Variants in HBP1 observed in about 807,000 individuals in gnomAD.
HBP1 encodes the protein HMG box-containing protein 1.
Under a neutral mutation model 62.6 loss-of-function variants are expected in HBP1, and 20 were observed. The observed-to-expected ratio is 0.32, with a 90% CI of 0.22 to 0.46. The LOEUF (loss-of-function observed/expected upper bound fraction) is 0.46. Among genes scored for constraint, HBP1 ranks in the 20% least tolerant of loss-of-function variants. The pLI is 1.00. For synonymous variants in HBP1, 232 were observed against 206.2 expected (o/e 1.12, Z -1.07); for missense variants, 480 against 611.8 (o/e 0.78, Z 2.27).
chr7:107,189,346 G>C lies in HBP1; in HGVS notation c.820G>C (p.Gly274Arg). The C allele has an allele frequency of 6.2e-7, 1 of 1,612,758 alleles. No homozygotes were observed. The highest frequency in any genetic ancestry group is 1.1e-5 in the South Asian group (1 of 91,044). Residue 274 changes from glycine to arginine, a missense_variant, in exon 7 of 11, where the codon GGC (glycine) becomes CGC (arginine). Gly to Arg is a moderately radical substitution (Grantham distance 125). This residue lies in a region of HBP1 where 304 missense variants were observed against 330.9 expected (regional missense o/e 0.92). Coordinates refer to ENST00000222574, the MANE Select transcript of HBP1 (RefSeq NM_012257.4). The part of the protein sequence containing the change: ...LLSHEESVSF[G>R]ESVLKLTFDP... ...ATCACATGAAGAAAGTGTATCATTT[G>C]GCGAGTCTGTACTGAAGTTGACTTT...
chr7:107,180,384 T>C (rs1324494123), intron 2 of HBP1, among the ~76,000 whole-genome samples: 1 of 152,250 alleles, frequency 6.6e-6, no homozygotes, highest in East Asian at 1.9e-4. Context: ...TAAAATATGC[T>C]TAGCCACTCT....
chr7:107,189,415 A>C lies in HBP1; in HGVS notation c.889A>C (p.Lys297Gln). Reference sequence around the variant, plus strand: ...AGATGGTTTACTTACCGTAGAGTGTAAGCTGGACCACCCTTTCTATGTTAA... The same window carrying C: ...AGATGGTTTACTTACCGTAGAGTGTCAGCTGGACCACCCTTTCTATGTTAA... ...VEDGLLTVEC[K>Q]LDHPFYVKNK... is the part of the protein sequence containing the mutation. The change falls in exon 7 of 11, where the codon AAG (lysine) becomes CAG (glutamine). Residue 297 changes from lysine (K) to glutamine (Q), a missense_variant. This residue lies in a region of HBP1 where 58 missense variants were observed against 128.5 expected (regional missense o/e 0.45). Coordinates refer to ENST00000222574, the MANE Select transcript of HBP1 (RefSeq NM_012257.4). 1 of 1,612,116 alleles carries C rather than the reference A, an allele frequency of 6.2e-7. No homozygotes were observed. Among genetic ancestry groups the C allele is most frequent in the South Asian group, 1.1e-5 (1 of 90,804 alleles).
At chr7:107,171,046 A>AATATATATATATAT (rs374693805) in intron 1 of HBP1, among the ~76,000 whole-genome samples, 4 of 60,506 alleles carry the variant, frequency 6.6e-5, no homozygotes, top group Non-Finnish European at 9.7e-5. Context: ...TACATGTATA[A>AATATATATATATAT]ATATATATAT....
chr7:107,199,082 T>C (rs1293901544), intron 9 of HBP1, among the ~76,000 whole-genome samples: 2 of 152,116 alleles, frequency 1.3e-5, no homozygotes, highest in Non-Finnish European at 2.9e-5. Context: ...AAAAATTGGT[T>C]ATCATTTTAT....
chr7:107,193,071 G>A (rs1248121307), intron 8 of HBP1: 1 of 152,148 alleles, frequency 6.6e-6, no homozygotes, highest in African/African-American at 2.4e-5. Context: ...CAGTTGATGA[G>A]CTCTCATACA....
intron 6 of HBP1, 85 bp from the exon 7 acceptor site, chr7:107,189,207 C>A: frequency 8.7e-7 from 1 of 1,155,520 alleles, no homozygotes; most frequent in Non-Finnish European, 1.2e-6. Context: ...TTTACCTTTT[C>A]CACAAAGTCT....
chr7:107,172,895 A>G lies in HBP1; in HGVS notation c.-16+3710A>G, dbSNP rs530139423. Among the ~76,000 whole-genome samples the G allele has an allele frequency of 1.5e-3, 224 of 152,244 alleles. 1 individual carries two copies. The highest frequency in any genetic ancestry group is 5.2e-3 in the African/African-American group (216 of 41,548). ...GCCTGAGTGACTGGGCCTGGCCACTAGTCTTATTTACAAATAAAAAAAACA... is the reference window on the plus strand; with the variant it reads ...GCCTGAGTGACTGGGCCTGGCCACTGGTCTTATTTACAAATAAAAAAAACA... On this transcript the variant is annotated intron_variant, in intron 1 of 10. Coordinates refer to ENST00000222574, the MANE Select transcript of HBP1 (RefSeq NM_012257.4).
chr7:107,182,651 G>T, intron 3 of HBP1, 50 bp downstream of exon 3: 1 of 1,006,590 alleles, frequency 9.9e-7, no homozygotes, highest in Non-Finnish European at 1.5e-6. Context: ...ATTACACAAA[G>T]GTTTTATTTA....
chr7:107,190,349 C>A (rs1238790995), intron 8 of HBP1, 32 bp downstream of exon 8: 3 of 1,515,618 alleles, frequency 2.0e-6, no homozygotes, highest in Non-Finnish European at 2.7e-6. Context: ...GTTTTATTTT[C>A]CTCTTAAAGT....
intron 8 of HBP1, among the ~76,000 whole-genome samples, chr7:107,194,079 G>C (rs1471773174): frequency 6.6e-6 from 1 of 152,182 alleles, no homozygotes; most frequent in Non-Finnish European, 1.5e-5. Flanking sequence ...TTAGTGAAGA[G>C]AATGAATGCT....
chr7:107,182,727 C>G (rs1447229789), intron 3 of HBP1, 126 bp downstream of exon 3: 2 of 581,366 alleles, frequency 3.4e-6, no homozygotes, highest in South Asian at 2.3e-5. Context: ...TAGAATTAAG[C>G]TCCTTATCTA....
rs557319985 is a variant in HBP1 at position 107,185,646 on chromosome 7, A to G, written c.399-155A>G. ...GTTTGGATAAGGAGTTAAGGAATATAATTATAAAATGAAATCTTGCTGTCT... is the reference window on the plus strand; with the variant it reads ...GTTTGGATAAGGAGTTAAGGAATATGATTATAAAATGAAATCTTGCTGTCT... On this transcript the variant is annotated intron_variant, in intron 3 of 10. Coordinates refer to ENST00000222574, the MANE Select transcript of HBP1 (RefSeq NM_012257.4). 4.6e-5 allele frequency among the ~76,000 whole-genome samples: 7 copies of G among 152,352 alleles called. No homozygotes were observed. The South Asian group carries it at 1.5e-3, about 32-fold the overall frequency.
At position 107,201,344 on chromosome 7, in the gene HBP1, T is replaced by TA. The variant is rs529514798; in HGVS notation, c.1528-69dup. The TA allele has an allele frequency of 4.3e-4, 385 of 891,236 alleles. 2 individuals carry two copies. The African/African-American group carries it at 5.7e-3, about 13-fold the overall frequency. 55.2% of individuals were successfully genotyped at this position (891,236 alleles called of 1,614,324 possible). ...AAATTTATAAACATCTTATACATCT[T>TA]AGCTTTCATATATAGGATTACTATG... On this transcript the variant is annotated intron_variant, in intron 10 of 10. Transcript: ENST00000222574.
chr7:107,182,431 G>C lies in HBP1; in HGVS notation c.228G>C (p.Gln76His). Residue 76 changes from glutamine (Q) to histidine (H), a missense_variant, in exon 3 of 11, where the codon CAG (glutamine) becomes CAC (histidine). Gln to His is a conservative substitution (Grantham distance 24). Coordinates refer to ENST00000222574, the MANE Select transcript of HBP1 (RefSeq NM_012257.4). ...ATCCTACCCAATCTGGCATGTACCA[G>C]CTGAGTTCAGATGTTTCACATCAAG... is the stretch of plus-strand genomic sequence containing the variant. The part of the protein sequence containing the change: ...QSDPTQSGMY[Q>H]LSSDVSHQEY... 6.2e-7 allele frequency: 1 copy of C among 1,613,792 alleles called. No homozygotes were observed.
intron 1 of HBP1, among the ~76,000 whole-genome samples, chr7:107,176,406 G>C (rs1478418292): frequency 6.6e-6 from 1 of 152,134 alleles, no homozygotes; most frequent in Admixed American, 6.5e-5. Context: ...ACTAAAGTCA[G>C]ACTCATGATG....
At chr7:107,190,935 C>T (rs945999844) in intron 8 of HBP1, among the ~76,000 whole-genome samples, 1 of 152,156 alleles carries the variant, frequency 6.6e-6, no homozygotes, top group African/African-American at 2.4e-5. Flanking sequence ...TGGGACTTTC[C>T]TGGTTTTTGC....
intron 1 of HBP1, chr7:107,174,568 A>G (rs928487896): frequency 1.7e-5 from 17 of 985,360 alleles, no homozygotes; most frequent in African/African-American, 1.0e-4. Flanking sequence ...GCTGTAGGGA[A>G]GAAAAAAGTT....
intron 1 of HBP1, among the ~76,000 whole-genome samples, chr7:107,171,602 C>T (rs1172212837): frequency 6.6e-6 from 1 of 152,106 alleles, no homozygotes; most frequent in Non-Finnish European, 1.5e-5. Context: ...CACGGTGTCT[C>T]ACGCCTGTCC....
Position 107,190,247 on chromosome 7 carries a change from G to C in HBP1, c.997G>C (p.Val333Leu), listed in dbSNP as rs551086672. 2.5e-6 allele frequency: 4 copies of C among 1,611,606 alleles called. 1 individual carries two copies. The South Asian group carries it at 3.3e-5, about 13-fold the overall frequency. Reference protein sequence around the residue: ...IPCCEVHIGDVCLPPGHPDAI... With the variant: ...IPCCEVHIGDLCLPPGHPDAI... ...ATGTTGTGAAGTTCATATTGGCGAT[G>C]TATGTCTACCTCCTGGACACCCCGA... Residue 333 changes from valine (V) to leucine (L), a missense_variant, in exon 8 of 11, where the codon GTA becomes CTA. This residue lies in a region of HBP1 where 58 missense variants were observed against 128.5 expected (regional missense o/e 0.45). Transcript: ENST00000222574.
Sources: gnomAD v4.1 joint callset for allele counts (sites outside exome capture counted in the v4.1 genomes callset) on GRCh38, gnomAD v4.1.1 for gene constraint, gnomAD v4.1.1 regional missense constraint, MANE v1.5 for transcripts, NCBI Gene and HGNC (gene_info 2026-07-23, HGNC 2026-07-21) for gene names.